The following ACOT8 variants were observed in gnomAD, a reference collection of about 807,000 sequenced individuals.
ACOT8 encodes acyl-coenzyme A thioesterase 8.
Under a neutral mutation model 38.4 loss-of-function variants are expected in ACOT8, and 31 were observed. The observed-to-expected ratio is 0.81, with a 90% CI of 0.61 to 1.09. ACOT8 has a LOEUF of 1.09. Among genes scored for constraint, ACOT8 ranks in the 50% least tolerant of loss-of-function variants. ACOT8 has a pLI of 0.00. For synonymous variants in ACOT8, 158 were observed against 170.3 expected (o/e 0.93, Z 0.56); for missense variants, 373 against 421.8 (o/e 0.88, Z 1.01).
rs143317489 is a variant in ACOT8 at position 45,844,072 on chromosome 20, A to G, written c.646+191T>C. The G allele has an allele frequency of 1.5e-4, 131 of 895,890 alleles. No homozygotes were observed. In the East Asian group the frequency reaches 3.2e-3, roughly 22 times the overall value. 55.5% of individuals were successfully genotyped at this position (895,890 alleles called of 1,614,324 possible). ...TTCCTCAGAAAGGCCTTGTGTCGGG[A>G]TTATAGTCATCTCCACCTTCTCCCC... is the stretch of plus-strand genomic sequence containing the variant. On this transcript the variant is annotated intron_variant, in intron 4 of 5. Transcript: ENST00000217455.
At chr20:45,853,624 G>C (rs1053384318) in intron 2 of ACOT8, 7 of 205,066 alleles carry the variant, frequency 3.4e-5, no homozygotes, top group African/African-American at 1.6e-4. Flanking sequence ...TATTTCACTA[G>C]GCTGGAAGGA....
At chr20:45,852,744 G>T (rs73124781) in intron 2 of ACOT8, among the ~76,000 whole-genome samples, 11 of 152,212 alleles carry the variant, frequency 7.2e-5, no homozygotes, top group South Asian at 2.1e-4. Flanking sequence ...ACACAAGCAA[G>T]GGCACAAATA....
At chr20:45,849,832 T>C (rs1352307676) in intron 2 of ACOT8, among the ~76,000 whole-genome samples, 1 of 152,176 alleles carries the variant, frequency 6.6e-6, no homozygotes, top group Non-Finnish European at 1.5e-5. Context: ...GGAATGGGAA[T>C]GCTCTGTAGT....
intron 1 of ACOT8, among the ~76,000 whole-genome samples, chr20:45,856,624 G>A (rs1461783505): frequency 6.6e-6 from 1 of 152,112 alleles, no homozygotes; most frequent in Non-Finnish European, 1.5e-5. Flanking sequence ...AGGTTGCACT[G>A]AGCCGAGATC....
chr20:45,843,044 C>T (rs146800819), intron 5 of ACOT8: 20,490 of 1,146,100 alleles, frequency 0.018, 589 homozygotes, highest in South Asian at 0.12. Flanking sequence ...TAATCAGAAT[C>T]ACTTAGAGAA....
At chr20:45,857,111 A>G in intron 1 of ACOT8, 77 bp downstream of exon 1, 1 of 1,294,640 alleles carries the variant, frequency 7.7e-7, no homozygotes, top group Non-Finnish European at 1.1e-6. Context: ...TCCCGGAGCC[A>G]GGGGCCCCGG....
rs774557310 is a variant in ACOT8 at position 45,841,806 on chromosome 20, C to T, written c.*32G>A. ...CAGGAATGGGGATAGATGGGAGGTT[C>T]TTGAAGCCCCAGGCGAAGCTGGTAC... On this transcript the variant is annotated 3_prime_UTR_variant, in exon 6 of 6. Transcript: ENST00000217455. The T allele has an allele frequency of 2.6e-6, 4 of 1,561,122 alleles. No individual in the cohort carries two copies. The highest frequency in any genetic ancestry group is 3.5e-6 in the Non-Finnish European group (4 of 1,159,300).
chr20:45,850,918 CCAA>C (rs1020517660), intron 2 of ACOT8, among the ~76,000 whole-genome samples: 1 of 151,998 alleles, frequency 6.6e-6, no homozygotes, highest in African/African-American at 2.4e-5. Flanking sequence ...GATAAGGCAG[CCAA>C]CAACAAGCAG....
At chr20:45,845,619 A>T (rs558071594) in intron 3 of ACOT8, among the ~76,000 whole-genome samples, 1 of 152,322 alleles carries the variant, frequency 6.6e-6, no homozygotes, top group East Asian at 1.9e-4. Flanking sequence ...ACTCCCTTCA[A>T]TACAGTGACA....
rs371724484 is a variant in ACOT8, at chr20:45,857,250, G to A, written c.66C>T (p.Asp22=). The change falls in exon 1 of 6, where the codon GAC becomes GAT. Residue 22 remains aspartate, a synonymous_variant. Coordinates refer to ENST00000217455, the MANE Select transcript of ACOT8 (RefSeq NM_005469.4). ...GCGDRGDPPG[D]LRSVLVTTVL... is the part of the protein sequence containing the mutation. ...CGGTCGTGACCAAGACGCTACGGAG[G>A]TCCCCAGGGGGATCGCCGCGGTCGC... 19 of 1,613,604 alleles carry A rather than the reference G, an allele frequency of 1.2e-5. No homozygotes were observed. The highest frequency in any genetic ancestry group is 1.6e-5 in the Non-Finnish European group (19 of 1,179,992).
At chr20:45,842,040 C>T in intron 5 of ACOT8, 84 bp from the exon 6 acceptor site, 1 of 1,554,754 alleles carries the variant, frequency 6.4e-7, no homozygotes, top group South Asian at 1.2e-5. Context: ...CAGAGTCTCA[C>T]TAAGTTGCCA....
intron 2 of ACOT8, among the ~76,000 whole-genome samples, chr20:45,854,750 G>T (rs1330001799): frequency 6.6e-6 from 1 of 152,102 alleles, no homozygotes; most frequent in Admixed American, 6.5e-5. Flanking sequence ...AGAAGCCTTA[G>T]ATCCCTTGAC....
intron 5 of ACOT8, chr20:45,842,193 A>G: frequency 6.8e-7 from 1 of 1,479,238 alleles, no homozygotes; most frequent in Admixed American, 2.4e-5. Flanking sequence ...TGCCCCACAC[A>G]AGGGTGCACT....
chr20:45,848,013 G>C (rs1307024110), intron 3 of ACOT8: 1 of 152,190 alleles, frequency 6.6e-6, no homozygotes, highest in Non-Finnish European at 1.5e-5. Context: ...CTGGGCTCAG[G>C]TGATCCTCCC....
intron 2 of ACOT8, among the ~76,000 whole-genome samples, chr20:45,850,838 G>A (rs1490998557): frequency 1.3e-5 from 2 of 152,180 alleles, no homozygotes; most frequent in Non-Finnish European, 2.9e-5. Flanking sequence ...CTCCAGCCTA[G>A]GTGACAGAGC....
At chr20:45,842,894 T>C (rs1433631113) in intron 5 of ACOT8, 1 of 998,616 alleles carries the variant, frequency 1.0e-6, no homozygotes, top group Non-Finnish European at 1.2e-6. Flanking sequence ...AAAGCTTTTC[T>C]TCATTTGAAA....
At chr20:45,842,774 A>C (rs1438051920) in intron 5 of ACOT8, 12 of 990,358 alleles carry the variant, frequency 1.2e-5, no homozygotes, top group African/African-American at 1.7e-5. Flanking sequence ...ATCTGAACCC[A>C]TGTCCTCACT....
intron 5 of ACOT8, 36 bp downstream of exon 5, chr20:45,843,491 G>A (rs1208235270): frequency 6.3e-7 from 1 of 1,599,638 alleles, no homozygotes; most frequent in Non-Finnish European, 8.5e-7. Context: ...TGCCACTCAA[G>A]GTCAGTGCCC....
intron 2 of ACOT8, chr20:45,849,043 C>T (rs74666183): frequency 0.011 from 2,128 of 189,494 alleles, 52 homozygotes; most frequent in African/African-American, 0.047. Flanking sequence ...GAAATGAATC[C>T]GTAGTTGTAA....
Sources: allele counts gnomAD v4.1 joint callset (sites outside exome capture counted in the v4.1 genomes callset), GRCh38; gene constraint gnomAD v4.1.1; transcripts MANE v1.5; gene names NCBI Gene and HGNC (gene_info 2026-07-23, HGNC 2026-07-21).